The following LRBA variants were observed in gnomAD, a reference collection of about 807,000 sequenced individuals.
LRBA encodes LPS responsive beige-like anchor protein.
LRBA carries 176 observed loss-of-function variants against 330.0 expected under a neutral mutation model. That is an observed-to-expected ratio of 0.53 (90% confidence interval 0.47 to 0.60). LRBA has a LOEUF of 0.60. LRBA is among the 20% of genes least tolerant of loss of function. The probability of loss-of-function intolerance (pLI) is 0.00; values close to 1 mark genes in which losing one functional copy is unlikely to be tolerated. For missense variants in LRBA, 3,259 were observed against 3,444.8 expected, an observed-to-expected ratio of 0.95 and a Z score of 1.35; for synonymous variants, 1,230 against 1,193.0, an observed-to-expected ratio of 1.03 and a Z score of -0.64.
intron 2 of LRBA, among the ~76,000 whole-genome samples, chr4:151,004,402 C>A (rs1290889897): frequency 6.6e-6 from 1 of 152,184 alleles, no homozygotes; most frequent in Non-Finnish European, 1.5e-5. Context: ...GACTAACAGG[C>A]AGGTAGCATA....
intron 2 of LRBA, among the ~76,000 whole-genome samples, chr4:151,004,985 C>T (rs1040903830): frequency 9.3e-5 from 14 of 150,862 alleles, no homozygotes; most frequent in South Asian, 8.4e-4. Flanking sequence ...AGCGAGACTT[C>T]GACTCAAAAA....
At chr4:150,452,891 C>T (rs1193621416) in intron 44 of LRBA, among the ~76,000 whole-genome samples, 1 of 152,022 alleles carries the variant, frequency 6.6e-6, no homozygotes, top group Non-Finnish European at 1.5e-5. Context: ...GGTCAATTTA[C>T]AAAATTCAGC....
chr4:150,963,098 C>T (rs561055484), intron 2 of LRBA, among the ~76,000 whole-genome samples: 1 of 147,848 alleles, frequency 6.8e-6, no homozygotes, highest in South Asian at 2.1e-4. Flanking sequence ...AAAACATCAA[C>T]TCAATATAAA....
intron 36 of LRBA, among the ~76,000 whole-genome samples, chr4:150,691,762 T>TGCA (rs750594116): frequency 3.3e-5 from 5 of 152,200 alleles, no homozygotes; most frequent in Non-Finnish European, 7.3e-5. Flanking sequence ...ATGCCCATGG[T>TGCA]GCATTTAGTC....
chr4:150,575,673 A>G (rs1484079385), intron 40 of LRBA, among the ~76,000 whole-genome samples: 1 of 151,928 alleles, frequency 6.6e-6, no homozygotes, highest in Non-Finnish European at 1.5e-5. Flanking sequence ...CACTAGCATA[A>G]TCTACGTCTC....
intron 40 of LRBA, among the ~76,000 whole-genome samples, chr4:150,520,497 T>G (rs377433023): frequency 5.3e-5 from 8 of 152,212 alleles, no homozygotes; most frequent in Admixed American, 5.2e-4. Flanking sequence ...TAAATGATAT[T>G]AAATTCATAT....
chr4:150,379,931 G>T (rs1301965663), intron 47 of LRBA, among the ~76,000 whole-genome samples: 1 of 151,072 alleles, frequency 6.6e-6, no homozygotes, highest in Non-Finnish European at 1.5e-5. Context: ...GGGACAACGA[G>T]GTGAGAGGAT....
At chr4:150,654,132 A>G (rs1779957601) in intron 37 of LRBA, among the ~76,000 whole-genome samples, 1 of 152,072 alleles carries the variant, frequency 6.6e-6, no homozygotes, top group Admixed American at 6.5e-5. Context: ...CTATTTTATA[A>G]TTATATATTA....
At position 150,897,827 on chromosome 4, in the gene LRBA, A is replaced by G. The variant is rs773234480; in HGVS notation, c.1925-9T>C. The G allele has an allele frequency of 1.3e-6, 2 of 1,581,928 alleles. No individual in the cohort carries two copies. Among genetic ancestry groups the G allele is most frequent in the East Asian group, 4.5e-5 (2 of 44,602 alleles). ...ATTAGGTCGCGGTCCATCTTTTAAA[A>G]AAATATACACATACACATTTAGTAT... On this transcript the variant is annotated splice_polypyrimidine_tract_variant and intron_variant, in intron 14 of 56. Coordinates refer to ENST00000651943, the MANE Select transcript of LRBA (RefSeq NM_001364905.1).
chr4:150,652,582 GGAAA>G (rs1779804056), intron 37 of LRBA, among the ~76,000 whole-genome samples: 1 of 151,714 alleles, frequency 6.6e-6, no homozygotes, highest in African/African-American at 2.4e-5. Context: ...ACATAAAAAA[GGAAA>G]GAAACAGATA....
At chr4:150,872,975 G>A (rs748356955) in intron 17 of LRBA, among the ~76,000 whole-genome samples, 3 of 152,098 alleles carry the variant, frequency 2.0e-5, no homozygotes, top group Non-Finnish European at 2.9e-5. Flanking sequence ...GAAATGAGGT[G>A]ACTTTTCCAT....
intron 40 of LRBA, among the ~76,000 whole-genome samples, chr4:150,508,762 C>T (rs1337422798): frequency 1.3e-5 from 2 of 151,916 alleles, no homozygotes; most frequent in Non-Finnish European, 2.9e-5. Flanking sequence ...ACACATGAAC[C>T]CACAATATAA....
chr4:150,639,174 A>G (rs866322602), intron 37 of LRBA, among the ~76,000 whole-genome samples: 1 of 140,752 alleles, frequency 7.1e-6, no homozygotes, highest in Non-Finnish European at 1.5e-5. Flanking sequence ...GGACACAGGA[A>G]GGGGAATATC....
At chr4:150,290,441 A>G (rs548327281) in intron 53 of LRBA, among the ~76,000 whole-genome samples, 7 of 152,330 alleles carry the variant, frequency 4.6e-5, no homozygotes, top group African/African-American at 1.4e-4. Flanking sequence ...CTAGACCATA[A>G]AGCAGAACAG....
chr4:150,388,579 G>A (rs1743417793), intron 47 of LRBA, among the ~76,000 whole-genome samples: 1 of 152,198 alleles, frequency 6.6e-6, no homozygotes, highest in Admixed American at 6.5e-5. Context: ...CCAAAATACA[G>A]TGGTGGGGCA....
chr4:150,522,145 T>C (rs1223210840), intron 40 of LRBA, among the ~76,000 whole-genome samples: 3 of 152,284 alleles, frequency 2.0e-5, no homozygotes, highest in East Asian at 3.9e-4. Flanking sequence ...TGAGTTCTTT[T>C]CGGGGCCCCA....
intron 46 of LRBA, among the ~76,000 whole-genome samples, chr4:150,435,362 C>A (rs1200433416): frequency 6.6e-6 from 1 of 151,614 alleles, no homozygotes; most frequent in African/African-American, 2.4e-5. Context: ...AAAACAAAAA[C>A]AAAAACAAAA....
chr4:150,438,649 C>T (rs75729651), intron 44 of LRBA, among the ~76,000 whole-genome samples: 2 of 151,774 alleles, frequency 1.3e-5, no homozygotes, highest in Non-Finnish European at 1.5e-5. Context: ...ATAAATAAAT[C>T]AAAAATATTG....
At chr4:150,671,884 T>C (rs548922877) in intron 37 of LRBA, among the ~76,000 whole-genome samples, 1 of 152,164 alleles carries the variant, frequency 6.6e-6, no homozygotes, top group Non-Finnish European at 1.5e-5. Flanking sequence ...CAACTGACAA[T>C]AGACAACTAT....
Sources: allele counts gnomAD v4.1 joint callset (sites outside exome capture counted in the v4.1 genomes callset), GRCh38; gene constraint gnomAD v4.1.1; transcripts MANE v1.5; gene names NCBI Gene and HGNC (gene_info 2026-07-23, HGNC 2026-07-21).